The following RALGAPB variants were observed in gnomAD, a reference collection of about 807,000 sequenced individuals.
RALGAPB encodes ral GTPase-activating protein subunit beta.
In RALGAPB, 25 loss-of-function variants were observed where a neutral mutation model predicts 161.1. The observed-to-expected ratio is 0.16, with a 90% CI of 0.11 to 0.22. RALGAPB has a LOEUF of 0.22. Ranked by LOEUF, RALGAPB falls within the 10% of genes least tolerant of loss-of-function variation. The probability of loss-of-function intolerance (pLI) is 1.00; values close to 1 mark genes in which losing one functional copy is unlikely to be tolerated. For missense variants in RALGAPB, 1,391 were observed against 1,815.2 expected (o/e 0.77, Z 4.25); for synonymous variants, 629 against 626.1 (o/e 1.00, Z -0.07).
chr20:38,492,178 A>G (rs2085299176), intron 2 of RALGAPB, among the ~76,000 whole-genome samples: 1 of 152,086 alleles, frequency 6.6e-6, no homozygotes. Context: ...GAAGACCAGA[A>G]TTCAAGTTTT....
intron 21 of RALGAPB, among the ~76,000 whole-genome samples, chr20:38,552,192 G>A (rs1193670529): frequency 1.3e-5 from 2 of 149,998 alleles, no homozygotes; most frequent in East Asian, 3.9e-4. Flanking sequence ...CCAGACTAGA[G>A]TACAGTTGTG....
chr20:38,520,323 T>G (rs2086249329), intron 9 of RALGAPB: 2 of 765,648 alleles, frequency 2.6e-6, no homozygotes, highest in Non-Finnish European at 3.2e-6. Context: ...ATGTTTTTAT[T>G]TTTTTCATAA....
intron 18 of RALGAPB, among the ~76,000 whole-genome samples, chr20:38,544,114 CAT>C (rs1259907932): frequency 6.6e-5 from 10 of 152,172 alleles, no homozygotes; most frequent in African/African-American, 1.4e-4. Flanking sequence ...ACCTTTAAGA[CAT>C]GTGTACCAAG....
Position 38,574,779 on chromosome 20 carries a change from C to G in RALGAPB, c.4297C>G (p.Leu1433Val). 2 of 1,613,324 alleles carry G rather than the reference C, an allele frequency of 1.2e-6. No individual in the cohort carries two copies. The highest frequency in any genetic ancestry group is 2.7e-5 in the African/African-American group (2 of 74,996). ...MIVSRRALGF[L>V]VRQTVINICR... is the part of the protein sequence containing the mutation. ...TAAAACTCTCTATTTTCAAGGCTTTCTGGTGAGGCAGACTGTAATTAACAT... is the reference window on the plus strand; with the variant it reads ...TAAAACTCTCTATTTTCAAGGCTTTGTGGTGAGGCAGACTGTAATTAACAT... Residue 1433 changes from leucine to valine, a missense_variant, in exon 30 of 30, where the codon CTG becomes GTG. By Grantham distance (32) the Leu-to-Val change is conservative (BLOSUM62 1). Around this residue, in one of 3 missense-constraint regions of RALGAPB, gnomAD observed 436 missense variants for 527.0 expected, o/e 0.83. Transcript: ENST00000262879.
intron 1 of RALGAPB, among the ~76,000 whole-genome samples, chr20:38,479,652 A>C (rs2084908608): frequency 6.6e-6 from 1 of 152,102 alleles, no homozygotes; most frequent in East Asian, 1.9e-4. Flanking sequence ...TTCCCATTAT[A>C]TTTACTTCTG....
At chr20:38,528,096 C>T (rs866282097) in intron 13 of RALGAPB, among the ~76,000 whole-genome samples, 1 of 152,192 alleles carries the variant, frequency 6.6e-6, no homozygotes, top group South Asian at 2.1e-4. Flanking sequence ...AAAGCTATTG[C>T]TGTGACTTTA....
At position 38,548,677 on chromosome 20, in the gene RALGAPB, A is replaced by T. The variant is rs778772968; in HGVS notation, c.2903-12A>T. 5 of 1,594,808 alleles carry T rather than the reference A, an allele frequency of 3.1e-6. No individual in the cohort carries two copies. The East Asian group carries it at 8.9e-5, about 29-fold the overall frequency. On this transcript the variant is annotated splice_polypyrimidine_tract_variant and intron_variant, in intron 19 of 29. Coordinates refer to ENST00000262879, the MANE Select transcript of RALGAPB (RefSeq NM_020336.4). ...CTGAAATTAAAACTTTTATATACAT[A>T]TTTTATTCTAGATGATTTTTTCCCC...
chr20:38,514,445 CA>C lies in RALGAPB; in HGVS notation c.873-1744del, dbSNP rs561067260. 1.5e-4 allele frequency among the ~76,000 whole-genome samples: 23 copies of C among 152,314 alleles called. No homozygotes were observed. The South Asian group carries it at 4.8e-3, about 32-fold the overall frequency. On this transcript the variant is annotated intron_variant, in intron 6 of 29. Transcript: ENST00000262879. Reference sequence around the variant, plus strand: ...AGTTTCTCCAAAGGGAAAATTGGATCAAATTATCTTCGTTAATTAGGTCTCT... The same window carrying C: ...AGTTTCTCCAAAGGGAAAATTGGATCAATTATCTTCGTTAATTAGGTCTCT...
intron 25 of RALGAPB, among the ~76,000 whole-genome samples, chr20:38,566,259 G>A (rs1339167198): frequency 3.3e-5 from 5 of 152,096 alleles, no homozygotes; most frequent in South Asian, 2.1e-4. Context: ...CTCTGGGGCC[G>A]GCTGTGTTCC....
chr20:38,503,182 TACAC>T (rs914614809), intron 5 of RALGAPB, among the ~76,000 whole-genome samples: 1 of 152,230 alleles, frequency 6.6e-6, no homozygotes, highest in African/African-American at 2.4e-5. Flanking sequence ...CCATATATAA[TACAC>T]ATACAAAATA....
At position 38,576,539 on chromosome 20, in the gene RALGAPB, TA is replaced by T. The variant is rs2088444579; in HGVS notation, c.*1575del. 1 of 152,242 alleles carries T rather than the reference TA, an allele frequency of 6.6e-6. No homozygotes were observed. Among genetic ancestry groups the T allele is most frequent in the Non-Finnish European group, 1.5e-5 (1 of 68,036 alleles). 9.4% of individuals were successfully genotyped at this position (152,242 alleles called of 1,614,324 possible). On this transcript the variant is annotated 3_prime_UTR_variant, in exon 30 of 30. Coordinates refer to ENST00000262879, the MANE Select transcript of RALGAPB (RefSeq NM_020336.4). Reference sequence around the variant, plus strand: ...TGTTCATGTTTGTTTTAAGCTCAGGTAAAGATAACCTCCTCTTTCTATGACT... The same window carrying T: ...TGTTCATGTTTGTTTTAAGCTCAGGTAAGATAACCTCCTCTTTCTATGACT...
At chr20:38,495,217 A>G (rs1479443588) in intron 3 of RALGAPB, among the ~76,000 whole-genome samples, 1 of 152,222 alleles carries the variant, frequency 6.6e-6, no homozygotes, top group African/African-American at 2.4e-5. Context: ...CTGACATTCA[A>G]AATGGAGGGA....
At chr20:38,550,967 T>G in intron 20 of RALGAPB, 104 bp from the exon 21 acceptor site, 1 of 1,350,658 alleles carries the variant, frequency 7.4e-7, no homozygotes, top group Non-Finnish European at 1.0e-6. Context: ...TTGTGACATG[T>G]AATCCTAGGG....
intron 5 of RALGAPB, among the ~76,000 whole-genome samples, chr20:38,504,750 TA>T (rs2085703125): frequency 6.6e-6 from 1 of 151,916 alleles, no homozygotes; most frequent in Non-Finnish European, 1.5e-5. Context: ...ACAACCCCGT[TA>T]AAAAACAGGC....
intron 18 of RALGAPB, among the ~76,000 whole-genome samples, chr20:38,544,629 T>G (rs1158793443): frequency 6.6e-6 from 1 of 152,008 alleles, no homozygotes; most frequent in Non-Finnish European, 1.5e-5. Context: ...CACTACACCC[T>G]GCTAATTTTT....
At position 38,575,132 on chromosome 20, in the gene RALGAPB, T is replaced by C. The variant is rs545192083; in HGVS notation, c.*165T>C. On this transcript the variant is annotated 3_prime_UTR_variant, in exon 30 of 30. Coordinates refer to ENST00000262879, the MANE Select transcript of RALGAPB (RefSeq NM_020336.4). The stretch of plus-strand genomic sequence containing the variant: ...ATTATAACCCATTTGATAGAAGACT[T>C]TGGGCTATCTAGTGAAATGGGCTCC... 5.4e-5 allele frequency: 34 copies of C among 627,122 alleles called. No individual in the cohort carries two copies. In the East Asian group the frequency reaches 8.6e-4, roughly 16 times the overall value. 38.8% of individuals were successfully genotyped at this position (627,122 alleles called of 1,614,324 possible).
In RALGAPB at chr20:38,575,463, GTCT is replaced by G. The variant is rs1156420742; in HGVS notation, c.*501_*503del. The G allele has an allele frequency of 1.3e-5, 2 of 153,990 alleles. No individual in the cohort carries two copies. The highest frequency in any genetic ancestry group is 4.8e-5 in the African/African-American group (2 of 41,562). 9.5% of individuals were successfully genotyped at this position (153,990 alleles called of 1,614,324 possible). A position where few individuals can be genotyped will look rare whatever the true frequency, so the allele number is the denominator to read the frequency against. ...GTCACAGCCTTCTACTCAGTTGTAG[GTCT>G]TCTTGTCATCCAGCTGTCACACTGA... On this transcript the variant is annotated 3_prime_UTR_variant, in exon 30 of 30. Transcript: ENST00000262879.
At chr20:38,504,584 C>T (rs546383835) in intron 5 of RALGAPB, among the ~76,000 whole-genome samples, 1 of 152,078 alleles carries the variant, frequency 6.6e-6, no homozygotes, top group South Asian at 2.1e-4. Context: ...ACAAGTGGTA[C>T]CTAATTAAAC....
intron 23 of RALGAPB, 123 bp downstream of exon 23, chr20:38,558,576 TG>T: frequency 2.3e-6 from 2 of 872,556 alleles, no homozygotes. Context: ...GACTGCAGCC[TG>T]GGAAGTGCTG....
Sources: allele counts gnomAD v4.1 joint callset (sites outside exome capture counted in the v4.1 genomes callset), GRCh38; gene constraint gnomAD v4.1.1; regional missense constraint gnomAD v4.1.1; transcripts MANE v1.5; gene names NCBI Gene and HGNC (gene_info 2026-07-23, HGNC 2026-07-21).